DET1: variants seen among roughly 807,000 people sequenced by gnomAD.
DET1 encodes DET1 partner of COP1 E3 ubiquitin ligase, also known as DET1 homolog.
DET1 carries 22 observed loss-of-function variants against 43.7 expected under a neutral mutation model. The ratio of observed to expected loss-of-function variants is 0.50; its 90% CI spans 0.36 to 0.72. The LOEUF (loss-of-function observed/expected upper bound fraction) is 0.72, where lower values mean the gene tolerates loss of function less well. Ranked by LOEUF, DET1 falls within the 30% of genes least tolerant of loss-of-function variation. The pLI is 0.00. For synonymous variants in DET1, 315 were observed against 266.2 expected, an observed-to-expected ratio of 1.18 and a Z score of -1.79; for missense variants, 713 against 713.3, an observed-to-expected ratio of 1.00 and a Z score of 0.00.
Position 88,531,252 on chromosome 15 carries a change from G to T in DET1, c.454C>A (p.Arg152Ser), listed in dbSNP as rs774580549. Residue 152 changes from arginine (R) to serine (S), a missense_variant, in exon 2 of 5, where the codon CGC (arginine) becomes AGC (serine). Coordinates refer to ENST00000268148, the MANE Select transcript of DET1 (RefSeq NM_001144074.3). The surrounding 1 kb of genome is among the most constrained non-coding windows in gnomAD (Gnocchi z 6.2). Reference protein sequence around the residue: ...RECSLFTDDCRCVIVGSAAYL... With the variant: ...RECSLFTDDCSCVIVGSAAYL... ...GCAGCTGAGCCCACGATGACACAGC[G>T]GCAGTCATCAGTGAAGAGACTACAC... is the stretch of plus-strand genomic sequence containing the variant. 1 of 1,613,764 alleles carries T rather than the reference G, an allele frequency of 6.2e-7. No individual in the cohort carries two copies. The highest frequency in any genetic ancestry group is 8.5e-7 in the Non-Finnish European group (1 of 1,179,864).
chr15:88,503,400 GAC>G (rs1297130229), intron 8 of DET1: 2 of 152,180 alleles, frequency 1.3e-5, no homozygotes, highest in South Asian at 4.1e-4. Context: ...TGGATACAAA[GAC>G]ACAAAAATAT....
chr15:88,537,043 A>G (rs906096165), intron 1 of DET1, among the ~76,000 whole-genome samples: 23 of 152,182 alleles, frequency 1.5e-4, no homozygotes, highest in African/African-American at 5.1e-4. Context: ...AATGCCTTAT[A>G]TAAGTATATA....
In DET1 at chr15:88,516,772, G is replaced by T; in HGVS notation, c.1463+10C>A. ...TTGAGCAGTTTGTAGCTATAGCAGT[G>T]ACACTGTACCTGATTGGGTGATCTC... On this transcript the variant is annotated intron_variant, in intron 4 of 4. Coordinates refer to ENST00000268148, the MANE Select transcript of DET1 (RefSeq NM_001144074.3). The surrounding 1 kb of genome is among the most constrained non-coding windows in gnomAD (Gnocchi z 4.4). 6.5e-7 allele frequency: 1 copy of T among 1,541,976 alleles called. No individual in the cohort carries two copies. Among genetic ancestry groups the T allele is most frequent in the Middle Eastern group, 1.7e-4 (1 of 5,840 alleles).
At position 88,531,277 on chromosome 15, in the gene DET1, C is replaced by A; in HGVS notation, c.429G>T (p.Glu143Asp). Residue 143 changes from glutamate (E) to aspartate (D), a missense_variant, in exon 2 of 5, where the codon GAG becomes GAT. Transcript: ENST00000268148. The surrounding 1 kb of genome is among the most constrained non-coding windows in gnomAD (Gnocchi z 6.2). ...GGCAGTCATCAGTGAAGAGACTACA[C>A]TCCCGGTTCAGGTGCTCACCATTGG... Reference protein sequence around the residue: ...VAANGEHLNRECSLFTDDCRC... With the variant: ...VAANGEHLNRDCSLFTDDCRC... 6.2e-7 allele frequency: 1 copy of A among 1,613,968 alleles called. No homozygotes were observed. Among genetic ancestry groups the A allele is most frequent in the Non-Finnish European group, 8.5e-7 (1 of 1,179,872 alleles).
Position 88,516,952 on chromosome 15 carries a change from A to G in DET1, c.1293T>C (p.Asn431=). The G allele has an allele frequency of 6.3e-7, 1 of 1,597,944 alleles. No homozygotes were observed. Among genetic ancestry groups the G allele is most frequent in the Non-Finnish European group, 8.5e-7 (1 of 1,172,484 alleles). Residue 431 remains asparagine, a synonymous_variant, in exon 4 of 5, where the codon AAT becomes AAC. Coordinates refer to ENST00000268148, the MANE Select transcript of DET1 (RefSeq NM_001144074.3). This position sits in a 1 kb window ranked among gnomAD's most constrained non-coding sequence, Gnocchi z 4.4. ...IQRRFKDTII[N]AKYGGHTEAV... is the part of the protein sequence containing the mutation. ...CCTCTGTGTGCCCTCCATACTTGGC[A>G]TTTATAATAGTGTCTTTGAACCTAA...
chr15:88,541,402 C>A (rs1198254843), intron 1 of DET1, among the ~76,000 whole-genome samples: 2 of 151,040 alleles, frequency 1.3e-5, no homozygotes, highest in Admixed American at 1.3e-4. Context: ...AACGCTGGTT[C>A]CCCGGGTCCC....
intron 1 of DET1, among the ~76,000 whole-genome samples, chr15:88,536,789 A>G (rs1243546751): frequency 2.7e-5 from 4 of 149,856 alleles, no homozygotes; most frequent in Non-Finnish European, 5.9e-5. Context: ...AAAAAAAAAA[A>G]GGAACAAACT....
At chr15:88,520,958 C>G (rs1379912034) in intron 3 of DET1, among the ~76,000 whole-genome samples, 1 of 152,202 alleles carries the variant, frequency 6.6e-6, no homozygotes, top group African/African-American at 2.4e-5. Flanking sequence ...CTACTCTTAA[C>G]AGAACAGCCA....
chr15:88,510,314 T>C (rs1461325025), downstream of DET1, among the ~76,000 whole-genome samples: 5 of 152,170 alleles, frequency 3.3e-5, no homozygotes, highest in African/African-American at 1.2e-4. Flanking sequence ...GATAGAAGAT[T>C]GGCCTAGGAT....
At position 88,531,183 on chromosome 15, in the gene DET1, G is replaced by T; in HGVS notation, c.523C>A (p.Arg175=). Residue 175 remains arginine (R), a synonymous_variant, in exon 2 of 5, where the codon CGG becomes AGG. Coordinates refer to ENST00000268148, the MANE Select transcript of DET1 (RefSeq NM_001144074.3). This position sits in a 1 kb window ranked among gnomAD's most constrained non-coding sequence, Gnocchi z 6.2. ...TTGGGGGTCACTGATTCACTGTTCCGATATACCTCAAAAAATGGAGGGTGA... is the reference window on the plus strand; with the variant it reads ...TTGGGGGTCACTGATTCACTGTTCCTATATACCTCAAAAAATGGAGGGTGA... The part of the protein sequence containing the change: ...EPHPPFFEVY[R]NSESVTPNPR... 6.2e-7 allele frequency: 1 copy of T among 1,613,778 alleles called. No individual in the cohort carries two copies. Among genetic ancestry groups the T allele is most frequent in the Non-Finnish European group, 8.5e-7 (1 of 1,179,808 alleles).
chr15:88,528,325 A>C (rs192067212), intron 2 of DET1, among the ~76,000 whole-genome samples: 32 of 152,352 alleles, frequency 2.1e-4, no homozygotes, highest in Admixed American at 1.8e-3. Flanking sequence ...TTTCCCTCTT[A>C]ATATTTCTAA....
At chr15:88,544,942 T>A (rs986114309) in intron 1 of DET1, among the ~76,000 whole-genome samples, 9 of 152,110 alleles carry the variant, frequency 5.9e-5, no homozygotes, top group African/African-American at 1.9e-4. Flanking sequence ...GTAGCAGGAT[T>A]TGGGTGCTCT....
chr15:88,535,196 T>C (rs760946051), intron 1 of DET1, among the ~76,000 whole-genome samples: 23 of 152,066 alleles, frequency 1.5e-4, no homozygotes, highest in Admixed American at 2.6e-4. Context: ...TCTAGTAAAA[T>C]ATCTTTTAAA....
At chr15:88,526,755 T>C (rs2056674251) in intron 3 of DET1, among the ~76,000 whole-genome samples, 2 of 152,212 alleles carry the variant, frequency 1.3e-5, no homozygotes, top group Non-Finnish European at 2.9e-5. Context: ...CCAGAGCCCA[T>C]CTGGTTCAAT....
At chr15:88,521,036 C>T (rs773005130) in intron 3 of DET1, among the ~76,000 whole-genome samples, 24 of 152,188 alleles carry the variant, frequency 1.6e-4, no homozygotes, top group Non-Finnish European at 2.9e-4. Context: ...CAATCTACCT[C>T]ATCTATAGTT....
chr15:88,534,376 T>A, intron 1 of DET1, among the ~76,000 whole-genome samples: 1 of 152,116 alleles, frequency 6.6e-6, no homozygotes. Flanking sequence ...GAAAAACCAA[T>A]TGGCTAACAA....
intron 3 of DET1, among the ~76,000 whole-genome samples, chr15:88,524,559 A>T (rs1271430905): frequency 6.6e-6 from 1 of 152,238 alleles, no homozygotes; most frequent in South Asian, 2.1e-4. Context: ...TCAGATTGTT[A>T]CTGTGTCTGT....
intron 3 of DET1, among the ~76,000 whole-genome samples, chr15:88,525,457 A>G (rs577195297): frequency 1.1e-4 from 17 of 152,172 alleles, no homozygotes; most frequent in Non-Finnish European, 2.1e-4. Context: ...ATTCTGAAAT[A>G]ATTTTTGGAA....
rs557611436 is a variant in DET1 at position 88,523,570 on chromosome 15, C to T, written c.1271+4029G>A. 5.3e-5 allele frequency among the ~76,000 whole-genome samples: 8 copies of T among 152,256 alleles called. No homozygotes were observed. In the South Asian group the frequency reaches 1.7e-3, roughly 32 times the overall value. ...TTCTCCTGCCTCAGTCTACCGAGTGCCTGGGATTGCAGGCGCGCACCGCCA... is the reference window on the plus strand; with the variant it reads ...TTCTCCTGCCTCAGTCTACCGAGTGTCTGGGATTGCAGGCGCGCACCGCCA... On this transcript the variant is annotated intron_variant, in intron 3 of 4. Transcript: ENST00000268148.
Sources: gnomAD v4.1 joint callset for allele counts (sites outside exome capture counted in the v4.1 genomes callset) on GRCh38, gnomAD v4.1.1 for gene constraint, Gnocchi (gnomAD v3.1) non-coding constraint, MANE v1.5 for transcripts, NCBI Gene and HGNC (gene_info 2026-07-23, HGNC 2026-07-21) for gene names.